Variants in PSME4 observed in about 807,000 individuals in gnomAD.
The protein encoded by PSME4 is proteasome activator complex subunit 4.
Under a neutral mutation model 253.9 loss-of-function variants are expected in PSME4, and 89 were observed. The observed-to-expected ratio is 0.35, with a 90% confidence interval of 0.30 to 0.42. PSME4 has a LOEUF of 0.42. PSME4 is among the 10% of genes least tolerant of loss of function. The pLI, the probability that PSME4 is intolerant of heterozygous loss-of-function variation, is 1.00. For missense variants in PSME4, 2,014 were observed against 2,195.2 expected (o/e 0.92, Z 1.65); for synonymous variants, 851 against 759.2 (o/e 1.12, Z -1.99).
intron 28 of PSME4, among the ~76,000 whole-genome samples, chr2:53,900,450 A>G (rs975702001): frequency 6.6e-6 from 1 of 152,022 alleles, no homozygotes; most frequent in African/African-American, 2.4e-5. Context: ...GCACACCTAT[A>G]GTCCTAGTTA....
chr2:53,873,352 G>A (rs116181102), intron 43 of PSME4, among the ~76,000 whole-genome samples: 1,740 of 151,734 alleles, frequency 0.011, 34 homozygotes, highest in African/African-American at 0.039. Flanking sequence ...TAGGGAGGTA[G>A]AGAAATTTCC....
In PSME4 at chr2:53,928,271, G is replaced by C. The variant is rs1668662412; in HGVS notation, c.1349C>G (p.Pro450Arg). The C allele has an allele frequency of 1.2e-6, 2 of 1,613,916 alleles. No homozygotes were observed. Among genetic ancestry groups the C allele is most frequent in the Admixed American group, 1.7e-5 (1 of 59,994 alleles). The change falls in exon 11 of 47, where the codon CCT (proline) becomes CGT (arginine). Residue 450 changes from proline to arginine, a missense_variant. Pro to Arg is a moderately radical substitution (Grantham distance 103). Coordinates refer to ENST00000404125, the MANE Select transcript of PSME4 (RefSeq NM_014614.3). Reference sequence around the variant, plus strand: ...ACTTAAAGTAGCTGTGAGCTGGTGAGGTTCTGTTAATGTCTCTAATGCAGG... The same window carrying C: ...ACTTAAAGTAGCTGTGAGCTGGTGACGTTCTGTTAATGTCTCTAATGCAGG... ...TYPALETLTE[P>R]HQLTATLSCV...
At position 53,932,763 on chromosome 2, in the gene PSME4, G is replaced by A. The variant is rs751472111; in HGVS notation, c.958-3C>T. ...TGCACTAGCTTACTTGGTCCACCCT[G>A]TCCAGATAAAAGAGTAAAAATGTCA... On this transcript the variant is annotated splice_polypyrimidine_tract_variant and splice_region_variant and intron_variant, in intron 8 of 46. Transcript: ENST00000404125. 6.2e-7 allele frequency: 1 copy of A among 1,610,388 alleles called. No individual in the cohort carries two copies. Among genetic ancestry groups the A allele is most frequent in the Admixed American group, 1.7e-5 (1 of 60,014 alleles).
chr2:53,970,543 G>C lies in PSME4; in HGVS notation c.242C>G (p.Thr81Arg). The C allele has an allele frequency of 6.5e-7, 1 of 1,547,620 alleles. No individual in the cohort carries two copies. Among genetic ancestry groups the C allele is most frequent in the Non-Finnish European group, 8.7e-7 (1 of 1,146,674 alleles). The change falls in exon 1 of 47, where the codon ACA (threonine) becomes AGA (arginine). Residue 81 changes from threonine to arginine, a missense_variant and splice_region_variant. Coordinates refer to ENST00000404125, the MANE Select transcript of PSME4 (RefSeq NM_014614.3). ...GGLFWTRKLSTYIRLYGRKFS... is the reference protein window; with the variant it reads ...GGLFWTRKLSRYIRLYGRKFS... The stretch of plus-strand genomic sequence containing the variant: ...GGCCCGCAGGCCCGGGCACACTTAC[G>C]TGGAGAGTTTCCTGGTCCAGAAGAG...
At chr2:53,879,310 C>G (rs1045973739) in intron 41 of PSME4, among the ~76,000 whole-genome samples, 2 of 152,122 alleles carry the variant, frequency 1.3e-5, no homozygotes, top group African/African-American at 4.8e-5. Context: ...GTTAAATAAA[C>G]TGTAGTACAT....
At chr2:53,955,026 C>T (rs1670168521) in intron 1 of PSME4, among the ~76,000 whole-genome samples, 1 of 151,630 alleles carries the variant, frequency 6.6e-6, no homozygotes, top group East Asian at 1.9e-4. Context: ...AAAAAAATCG[C>T]CAGGTGTGAT....
chr2:53,923,944 A>C (rs1668447998), intron 14 of PSME4, among the ~76,000 whole-genome samples: 1 of 144,580 alleles, frequency 6.9e-6, no homozygotes, highest in Non-Finnish European at 1.5e-5. Context: ...AAAAAAAAAA[A>C]ATTGAGGTAC....
At chr2:53,892,382 G>A (rs1211567423) in intron 36 of PSME4, among the ~76,000 whole-genome samples, 1 of 152,114 alleles carries the variant, frequency 6.6e-6, no homozygotes, top group East Asian at 1.9e-4. Context: ...AACTCCAACT[G>A]TCTAAAAGAC....
At chr2:53,907,868 C>T (rs1680729054) in intron 24 of PSME4, 1 of 153,230 alleles carries the variant, frequency 6.5e-6, no homozygotes, top group African/African-American at 2.4e-5. Flanking sequence ...CGTAAGAATT[C>T]TGCCATGAAC....
At chr2:53,915,380 C>G (rs985021480) in intron 20 of PSME4, among the ~76,000 whole-genome samples, 3 of 151,860 alleles carry the variant, frequency 2.0e-5, no homozygotes, top group African/African-American at 7.3e-5. Context: ...ATGAAGGGAG[C>G]AGTGAACCAA....
chr2:53,899,461 A>C (rs1028397014), intron 29 of PSME4, among the ~76,000 whole-genome samples: 1 of 152,180 alleles, frequency 6.6e-6, no homozygotes, highest in Non-Finnish European at 1.5e-5. Context: ...TATTTTTTTC[A>C]GAAGTCAATG....
At position 53,936,179 on chromosome 2, in the gene PSME4, G is replaced by T. The variant is rs372486032; in HGVS notation, c.760-18C>A. 2 of 1,612,800 alleles carry T rather than the reference G, an allele frequency of 1.2e-6. No individual in the cohort carries two copies. The highest frequency in any genetic ancestry group is 1.7e-5 in the Admixed American group (1 of 59,874). On this transcript the variant is annotated intron_variant, in intron 6 of 46. Transcript: ENST00000404125. The stretch of plus-strand genomic sequence containing the variant: ...ACTAGTTGCTGAAAGTAAACAAAAA[G>T]GACAAAGTTAATATATTTGTTGTTA...
At chr2:53,970,522 C>T (rs1671018462) in intron 1 of PSME4, 21 bp downstream of exon 1, 2 of 1,547,822 alleles carry the variant, frequency 1.3e-6, no homozygotes, top group Admixed American at 2.0e-5. Context: ...CGGCCCGGCC[C>T]GCAGGCCCGG....
chr2:53,922,913 G>A (rs2104452993), intron 16 of PSME4, 136 bp downstream of exon 16: 1 of 724,166 alleles, frequency 1.4e-6, no homozygotes, highest in Admixed American at 3.3e-5. Flanking sequence ...TATCTTTTTT[G>A]GAGACAAATT....
intron 10 of PSME4, among the ~76,000 whole-genome samples, chr2:53,930,767 G>A (rs805351): frequency 0.29 from 44,249 of 152,000 alleles, 6,836 homozygotes; most frequent in South Asian, 0.47. Context: ...TCAGAAAATA[G>A]GCTATAGTCT....
rs989823662 is a variant in PSME4, at chr2:53,923,529, T to C, written c.1810-110A>G. On this transcript the variant is annotated intron_variant, in intron 14 of 46. Transcript: ENST00000404125. ...TTAGACAATTCCAAAAATAAGCCCA[T>C]AGGCAATTTTTAACCATCTGATTTT... 2.3e-5 allele frequency: 31 copies of C among 1,320,694 alleles called. No individual in the cohort carries two copies. In the African/African-American group the frequency reaches 2.4e-4, roughly 10 times the overall value. The allele number at this position is 1,320,694 out of a possible 1,614,324, so 81.8% of individuals were successfully genotyped here.
intron 41 of PSME4, among the ~76,000 whole-genome samples, chr2:53,884,267 G>A (rs1216181064): frequency 2.6e-5 from 4 of 152,094 alleles, no homozygotes; most frequent in Admixed American, 2.6e-4. Context: ...CTGGAATGCA[G>A]TAGCACGATC....
chr2:53,910,976 C>G (rs909881631), intron 20 of PSME4, among the ~76,000 whole-genome samples: 3 of 152,112 alleles, frequency 2.0e-5, no homozygotes, highest in Non-Finnish European at 4.4e-5. Context: ...ATTATTATTA[C>G]TAATCACCAA....
rs558958916 is a variant in PSME4, at chr2:53,952,455, T to C, written c.243-3172A>G. ...TACTCGGGAGGCTGAGGCAGGAGAA[T>C]TGTTTGAACCTGGGAGGCGGAGGTT... On this transcript the variant is annotated intron_variant, in intron 1 of 46. Coordinates refer to ENST00000404125, the MANE Select transcript of PSME4 (RefSeq NM_014614.3). Among the ~76,000 whole-genome samples the C allele has an allele frequency of 5.9e-5, 9 of 152,230 alleles. No homozygotes were observed. In the East Asian group the frequency reaches 9.7e-4, roughly 16 times the overall value.
Sources: gnomAD v4.1 joint callset for allele counts (sites outside exome capture counted in the v4.1 genomes callset) on GRCh38, gnomAD v4.1.1 for gene constraint, MANE v1.5 for transcripts, NCBI Gene and HGNC (gene_info 2026-07-23, HGNC 2026-07-21) for gene names.